Variants in CHRM2 observed in about 807,000 individuals in gnomAD.
CHRM2 encodes muscarinic acetylcholine receptor M2.
In CHRM2, 8 loss-of-function variants were observed where a neutral mutation model predicts 25.0. That is an observed-to-expected ratio of 0.32 (90% CI 0.19 to 0.58). CHRM2 has a LOEUF of 0.58. Among genes scored for constraint, CHRM2 ranks in the 20% least tolerant of loss-of-function variants. The pLI is 0.88. For synonymous variants in CHRM2, 202 were observed against 205.7 expected (o/e 0.98, Z 0.15); for missense variants, 440 against 567.1 (o/e 0.78, Z 2.28).
At chr7:136,898,145 T>G (rs1797005220) in intron 2 of CHRM2, among the ~76,000 whole-genome samples, 1 of 152,162 alleles carries the variant, frequency 6.6e-6, no homozygotes. Context: ...TCGTTTACAA[T>G]TAGCATTGCA....
At chr7:136,938,886 G>C (rs1298531730) in intron 2 of CHRM2, among the ~76,000 whole-genome samples, 1 of 96,374 alleles carries the variant, frequency 1.0e-5, no homozygotes, top group African/African-American at 4.0e-5. Context: ...TTTTTTTTTG[G>C]TCCAAAATAA....
At chr7:136,917,173 T>G (rs954242242) in intron 2 of CHRM2, among the ~76,000 whole-genome samples, 4 of 148,320 alleles carry the variant, frequency 2.7e-5, no homozygotes, top group Non-Finnish European at 4.5e-5. Context: ...TTTTTTTTTT[T>G]GCTTTCTTTT....
At chr7:136,927,926 G>A in intron 2 of CHRM2, among the ~76,000 whole-genome samples, 1 of 152,114 alleles carries the variant, frequency 6.6e-6, no homozygotes, top group South Asian at 2.1e-4. Context: ...ATGAAATTTG[G>A]AGTATTTTTT....
intron 2 of CHRM2, among the ~76,000 whole-genome samples, chr7:136,912,747 A>ATAAT (rs1309156684): frequency 6.6e-6 from 1 of 151,998 alleles, no homozygotes; most frequent in Non-Finnish European, 1.5e-5. Flanking sequence ...TTACAAAAAG[A>ATAAT]TAATTAAAAC....
intron 2 of CHRM2, among the ~76,000 whole-genome samples, chr7:136,975,204 C>T (rs1043844029): frequency 6.6e-5 from 10 of 152,212 alleles, no homozygotes; most frequent in African/African-American, 2.4e-4. Context: ...ATACATCAGC[C>T]TATAAGAAAC....
intron 2 of CHRM2, among the ~76,000 whole-genome samples, chr7:136,960,473 C>T (rs1801003255): frequency 6.6e-6 from 1 of 152,232 alleles, no homozygotes; most frequent in Non-Finnish European, 1.5e-5. Context: ...CCAGGTTCTC[C>T]AGTCAACAGA....
chr7:136,981,187 A>G (rs1357185552), intron 2 of CHRM2, among the ~76,000 whole-genome samples: 1 of 152,192 alleles, frequency 6.6e-6, no homozygotes, highest in African/African-American at 2.4e-5. Flanking sequence ...GTATCTGTCC[A>G]GGAATTTATC....
At chr7:136,920,027 G>T (rs1798340118) in intron 2 of CHRM2, among the ~76,000 whole-genome samples, 1 of 152,086 alleles carries the variant, frequency 6.6e-6, no homozygotes, top group Non-Finnish European at 1.5e-5. Flanking sequence ...AAAATGCAAT[G>T]TAGTGAAGCT....
chr7:136,985,765 C>T (rs551335785), intron 2 of CHRM2, among the ~76,000 whole-genome samples: 3 of 152,172 alleles, frequency 2.0e-5, no homozygotes, highest in Admixed American at 6.5e-5. Flanking sequence ...CCACTACAGA[C>T]GACCAATATT....
intron 2 of CHRM2, among the ~76,000 whole-genome samples, chr7:136,940,817 C>T (rs758474239): frequency 2.0e-5 from 3 of 152,136 alleles, no homozygotes; most frequent in Non-Finnish European, 4.4e-5. Context: ...TTATATAACA[C>T]AACCAATTAA....
chr7:136,991,771 T>C (rs1803247272), intron 2 of CHRM2, among the ~76,000 whole-genome samples: 2 of 152,154 alleles, frequency 1.3e-5, no homozygotes, highest in South Asian at 4.1e-4. Context: ...TTTTCAATGA[T>C]TCTGTATGAT....
chr7:137,006,487 G>A (rs1274013289), intron 3 of CHRM2, among the ~76,000 whole-genome samples: 2 of 152,046 alleles, frequency 1.3e-5, no homozygotes, highest in African/African-American at 4.8e-5. Context: ...TATTACGTTT[G>A]ACAGGCAGCC....
intron 2 of CHRM2, among the ~76,000 whole-genome samples, chr7:136,954,819 A>G (rs553100126): frequency 6.6e-6 from 1 of 152,340 alleles, no homozygotes; most frequent in Non-Finnish European, 1.5e-5. Context: ...AAGATGATCA[A>G]GAGACAAGAG....
At position 136,910,431 on chromosome 7, in the gene CHRM2, C is replaced by A. The variant is rs916015758; in HGVS notation, c.-125+41013C>A. On this transcript the variant is annotated intron_variant, in intron 2 of 3. Transcript: ENST00000680005. The stretch of plus-strand genomic sequence containing the variant: ...GTTCTCTGACAGGATTTTGAATAAT[C>A]TTTCAGAACTTTAAGGCCCTTATAT... Among the ~76,000 whole-genome samples, 3 of 151,902 alleles carry A rather than the reference C, an allele frequency of 2.0e-5. No individual in the cohort carries two copies. In the South Asian group the frequency reaches 6.2e-4, roughly 32 times the overall value.
At chr7:136,991,317 G>A (rs1296496002) in intron 2 of CHRM2, among the ~76,000 whole-genome samples, 2 of 152,074 alleles carry the variant, frequency 1.3e-5, no homozygotes, top group African/African-American at 4.8e-5. Flanking sequence ...AAGGGAGTAA[G>A]GTCTGTGCTT....
chr7:136,907,354 A>C (rs990767286), intron 2 of CHRM2, among the ~76,000 whole-genome samples: 2 of 151,948 alleles, frequency 1.3e-5, no homozygotes, highest in Non-Finnish European at 2.9e-5. Flanking sequence ...CACGAACAAC[A>C]GTTGCTTGAC....
intron 2 of CHRM2, among the ~76,000 whole-genome samples, chr7:136,885,986 A>G (rs755231219): frequency 2.7e-5 from 4 of 150,930 alleles, no homozygotes; most frequent in Non-Finnish European, 4.4e-5. Context: ...AGGCTGAAAC[A>G]TAGATTAGGC....
chr7:136,912,846 C>A (rs1287150683), intron 2 of CHRM2, among the ~76,000 whole-genome samples: 3 of 151,836 alleles, frequency 2.0e-5, no homozygotes, highest in African/African-American at 7.3e-5. Context: ...GTATCTAAGC[C>A]TTAGTTTCAT....
intron 2 of CHRM2, among the ~76,000 whole-genome samples, chr7:136,887,388 G>T (rs1796509324): frequency 6.6e-6 from 1 of 151,660 alleles, no homozygotes; most frequent in African/African-American, 2.4e-5. Flanking sequence ...ATTTAGAATT[G>T]TCAATCTCTG....
Sources: allele counts gnomAD v4.1 joint callset (sites outside exome capture counted in the v4.1 genomes callset), GRCh38; gene constraint gnomAD v4.1.1; transcripts MANE v1.5; gene names NCBI Gene and HGNC (gene_info 2026-07-23, HGNC 2026-07-21).